Variants in COL16A1 observed in about 807,000 individuals in gnomAD.
COL16A1 encodes collagen alpha-1(XVI) chain.
Under a neutral mutation model 266.3 loss-of-function variants are expected in COL16A1, and 189 were observed. The observed-to-expected ratio is 0.71, with a 90% CI of 0.63 to 0.80. The LOEUF is 0.80. Ranked by LOEUF, COL16A1 falls within the 30% of genes least tolerant of loss-of-function variation. The pLI is 0.00. For synonymous variants in COL16A1, 740 were observed against 782.3 expected, an observed-to-expected ratio of 0.95 and a Z score of 0.90; for missense variants, 1,928 against 2,122.4, an observed-to-expected ratio of 0.91 and a Z score of 1.80.
chr1:31,665,288 C>G, intron 55 of COL16A1, 54 bp from the exon 56 acceptor site: 2 of 1,571,678 alleles, frequency 1.3e-6, no homozygotes, highest in Non-Finnish European at 1.7e-6. Flanking sequence ...GGGGGAGCTC[C>G]CCTTCTTTAT....
chr1:31,678,332 G>A lies in COL16A1; in HGVS notation c.2772+1300C>T, dbSNP rs1052076122. Reference sequence around the variant, plus strand: ...TTAGGAGCTGGGAGCCAGACACACGGACAGTGGTGTCTATGCCACCTAGAA... The same window carrying A: ...TTAGGAGCTGGGAGCCAGACACACGAACAGTGGTGTCTATGCCACCTAGAA... On this transcript the variant is annotated intron_variant, in intron 42 of 70. Transcript: ENST00000373672. Among the ~76,000 whole-genome samples, 36 of 152,220 alleles carry A rather than the reference G, an allele frequency of 2.4e-4. 1 individual carries two copies. The highest frequency in any genetic ancestry group is 7.5e-4 in the African/African-American group (31 of 41,460).
At chr1:31,683,588 G>A (rs979034207) in intron 34 of COL16A1, 119 bp downstream of exon 34, 23 of 1,594,790 alleles carry the variant, frequency 1.4e-5, no homozygotes, top group African/African-American at 4.0e-5. Flanking sequence ...CCTGGTCCCA[G>A]AACTAAGTCC....
chr1:31,702,389 T>C (rs1644754487), intron 1 of COL16A1, among the ~76,000 whole-genome samples, 162 bp from the exon 2 acceptor site: 1 of 152,274 alleles, frequency 6.6e-6, no homozygotes, highest in African/African-American at 2.4e-5. Context: ...CCACAGCCCT[T>C]GGGCTAGGAT....
At chr1:31,677,591 A>G (rs1346972741) in intron 42 of COL16A1, among the ~76,000 whole-genome samples, 1 of 152,256 alleles carries the variant, frequency 6.6e-6, no homozygotes, top group Non-Finnish European at 1.5e-5. Context: ...TGCCTCAGGC[A>G]TCTTTCTTAA....
At chr1:31,699,077 A>G (rs973163732) in intron 4 of COL16A1, among the ~76,000 whole-genome samples, 2 of 152,170 alleles carry the variant, frequency 1.3e-5, no homozygotes, top group African/African-American at 4.8e-5. Flanking sequence ...CCTGGGCAAC[A>G]GAGCAAGACT....
chr1:31,673,325 C>T (rs1396541237), intron 44 of COL16A1: 2 of 172,134 alleles, frequency 1.2e-5, no homozygotes, highest in South Asian at 1.3e-4. Flanking sequence ...TGGCTCGGAT[C>T]GCGCCACCAG....
At chr1:31,692,448 C>A in intron 16 of COL16A1, 26 bp downstream of exon 16, 1 of 1,601,546 alleles carries the variant, frequency 6.2e-7, no homozygotes, top group Non-Finnish European at 8.5e-7. Flanking sequence ...CCCTGGAAAT[C>A]CCCCCTCCAA....
At chr1:31,673,225 T>C (rs1282545178) in intron 44 of COL16A1, 1 of 336,368 alleles carries the variant, frequency 3.0e-6, no homozygotes. Context: ...CGCCAGCTTC[T>C]CTGCCCAAGG....
rs111450454 is a variant in COL16A1, at chr1:31,700,947, C to A, written c.74-832G>T. On this transcript the variant is annotated intron_variant, in intron 2 of 70. Transcript: ENST00000373672. ...AACAGGTGGGCAGCCATGGGCCTCCCTCGCCCTGGGGCTGACTGAGCAGAA... is the reference window on the plus strand; with the variant it reads ...AACAGGTGGGCAGCCATGGGCCTCCATCGCCCTGGGGCTGACTGAGCAGAA... Among the ~76,000 whole-genome samples the A allele has an allele frequency of 4.4e-3, 668 of 152,322 alleles. 6 individuals are homozygous for A. Among genetic ancestry groups the A allele is most frequent in the East Asian group, 0.033 (172 of 5,170 alleles).
intron 48 of COL16A1, 124 bp downstream of exon 48, chr1:31,671,491 G>T: frequency 8.5e-7 from 1 of 1,177,834 alleles, no homozygotes; most frequent in Non-Finnish European, 1.2e-6. Flanking sequence ...GGATGGGGAG[G>T]GCAGTGGAAG....
rs780565872 is a variant in COL16A1, at chr1:31,698,224, C to T, written c.391-52G>A. Reference sequence around the variant, plus strand: ...ACAGAGATTCAGAGCTCCAGAGTCACACCATGGGCACGTTCAGGGACCTTG... The same window carrying T: ...ACAGAGATTCAGAGCTCCAGAGTCATACCATGGGCACGTTCAGGGACCTTG... On this transcript the variant is annotated intron_variant, in intron 5 of 70. Transcript: ENST00000373672. This position sits in a 1 kb window ranked among gnomAD's most constrained non-coding sequence, Gnocchi z 4.1. 24 of 1,601,470 alleles carry T rather than the reference C, an allele frequency of 1.5e-5. No homozygotes were observed. The African/African-American group carries it at 2.4e-4, about 16-fold the overall frequency.
rs1310800893 is a variant in COL16A1 at position 31,672,743 on chromosome 1, C to T, written c.2957G>A (p.Gly986Asp). ...CCTTACCTGGGCGCAGTTGTCGAGG[C>T]CTGGCACACCAGGGATGCCCTGGTC... ...KGDQGIPGVP[G>D]LDNCAQCFLS... The change falls in exon 45 of 71, where the codon GGC (glycine) becomes GAC (aspartate). Residue 986 changes from glycine to aspartate, a missense_variant. Transcript: ENST00000373672. The T allele has an allele frequency of 3.1e-6, 5 of 1,614,118 alleles. No homozygotes were observed. The highest frequency in any genetic ancestry group is 4.2e-6 in the Non-Finnish European group (5 of 1,179,978).
chr1:31,672,474 C>T lies in COL16A1; in HGVS notation c.3047G>A (p.Cys1016Tyr). The T allele has an allele frequency of 6.2e-7, 1 of 1,614,196 alleles. No individual in the cohort carries two copies. The highest frequency in any genetic ancestry group is 1.1e-5 in the South Asian group (1 of 91,082). ...RGDNSEGDPG[C>Y]VGSPGLPGPP... Reference sequence around the variant, plus strand: ...ACCAGGTAGGCCTGGGCTCCCAACACAGCCAGGATCTCCCTCACTGTTGTC... The same window carrying T: ...ACCAGGTAGGCCTGGGCTCCCAACATAGCCAGGATCTCCCTCACTGTTGTC... The change falls in exon 47 of 71, where the codon TGT (cysteine) becomes TAT (tyrosine). Residue 1016 changes from cysteine to tyrosine, a missense_variant. Physicochemically the swap from Cys to Tyr is radical, Grantham distance 194. This residue lies in a region of COL16A1 where 1,552 missense variants were observed against 1,637.2 expected (regional missense o/e 0.95). Coordinates refer to ENST00000373672, the MANE Select transcript of COL16A1 (RefSeq NM_001856.4).
At position 31,683,196 on chromosome 1, in the gene COL16A1, G is replaced by T; in HGVS notation, c.2467C>A (p.Gln823Lys). ...TACCCATGGAGGCAGAGGCTCACCT[G>T]GGCACCCTTCTCTCCAGTGGGGCCA... ...PPGPTGEKGA[Q>K]GSPGVKGATG... The change falls in exon 36 of 71, where the codon CAG becomes AAG. Residue 823 changes from glutamine (Q) to lysine (K), a missense_variant and splice_region_variant. By Grantham distance (53) the Gln-to-Lys change is moderately conservative (BLOSUM62 1). Coordinates refer to ENST00000373672, the MANE Select transcript of COL16A1 (RefSeq NM_001856.4). 1 of 1,614,144 alleles carries T rather than the reference G, an allele frequency of 6.2e-7. No individual in the cohort carries two copies. Among genetic ancestry groups the T allele is most frequent in the South Asian group, 1.1e-5 (1 of 91,070 alleles).
In COL16A1 at chr1:31,685,074, T is replaced by C. The variant is rs1420900104; in HGVS notation, c.2017-218A>G. On this transcript the variant is annotated intron_variant, in intron 29 of 70. Coordinates refer to ENST00000373672, the MANE Select transcript of COL16A1 (RefSeq NM_001856.4). The surrounding 1 kb of genome is among the most constrained non-coding windows in gnomAD (Gnocchi z 4.0). ...TAGCTCATCTATCTCCGTACCTCAG[T>C]TTCTTCAGCTGTCAAATGGGGATGA... Among the ~76,000 whole-genome samples, 1 of 152,204 alleles carries C rather than the reference T, an allele frequency of 6.6e-6. No individual in the cohort carries two copies. Among genetic ancestry groups the C allele is most frequent in the Non-Finnish European group, 1.5e-5 (1 of 68,036 alleles).
rs913177417 is a variant in COL16A1 at position 31,673,993 on chromosome 1, T to C, written c.2859+1014A>G. ...GAGTCACACGATCACTGCCCAGTCA[T>C]TGACAGAAGCAGAGGGGAGAAGAGC... On this transcript the variant is annotated intron_variant, in intron 44 of 70. Transcript: ENST00000373672. Among the ~76,000 whole-genome samples, 22 of 152,324 alleles carry C rather than the reference T, an allele frequency of 1.4e-4. 1 individual carries two copies. The South Asian group carries it at 2.9e-3, about 20-fold the overall frequency.
chr1:31,677,779 G>C (rs1643310525), intron 42 of COL16A1, among the ~76,000 whole-genome samples: 1 of 152,232 alleles, frequency 6.6e-6, no homozygotes. Flanking sequence ...GCAGGTACCT[G>C]TGAGCAGCAG....
At chr1:31,695,096 T>C (rs1644436731) in intron 11 of COL16A1, 90 bp downstream of exon 11, 15 of 1,371,038 alleles carry the variant, frequency 1.1e-5, no homozygotes, top group Non-Finnish European at 1.5e-5. Context: ...GACCCCCTTG[T>C]CCTCACCCAG....
rs998136378 is a variant in COL16A1 at position 31,697,484 on chromosome 1, G to A, written c.658-184C>T. On this transcript the variant is annotated intron_variant, in intron 6 of 70. Coordinates refer to ENST00000373672, the MANE Select transcript of COL16A1 (RefSeq NM_001856.4). This position sits in a 1 kb window ranked among gnomAD's most constrained non-coding sequence, Gnocchi z 4.2. Reference sequence around the variant, plus strand: ...AGAACAAAACTGCGCACACAGGAACGAGGGAGAGGAGGCCCAGAGGAACAA... The same window carrying A: ...AGAACAAAACTGCGCACACAGGAACAAGGGAGAGGAGGCCCAGAGGAACAA... Among the ~76,000 whole-genome samples the A allele has an allele frequency of 5.9e-5, 9 of 152,204 alleles. No individual in the cohort carries two copies. Among genetic ancestry groups the A allele is most frequent in the African/African-American group, 1.4e-4 (6 of 41,448 alleles).
Sources: allele counts gnomAD v4.1 joint callset (sites outside exome capture counted in the v4.1 genomes callset), GRCh38; gene constraint gnomAD v4.1.1; regional missense constraint gnomAD v4.1.1; non-coding constraint Gnocchi (gnomAD v3.1); transcripts MANE v1.5; gene names NCBI Gene and HGNC (gene_info 2026-07-23, HGNC 2026-07-21).